SAMD4A: variants seen among roughly 807,000 people sequenced by gnomAD.
SAMD4A encodes the protein sterile alpha motif domain containing 4A.
Under a neutral mutation model 81.3 loss-of-function variants are expected in SAMD4A, and 33 were observed. The ratio of observed to expected loss-of-function variants is 0.41; its 90% confidence interval spans 0.31 to 0.54. The LOEUF is 0.54. SAMD4A is among the 20% of genes least tolerant of loss of function. SAMD4A has a pLI of 0.37. For missense variants in SAMD4A, 854 were observed against 951.1 expected (o/e 0.90, Z 1.34); for synonymous variants, 389 against 382.1 (o/e 1.02, Z -0.21).
Position 54,789,122 on chromosome 14 carries a change from A to C in SAMD4A, c.*178A>C. ...GTCATCCTCGTAAACATATCAGTAG[A>C]CCTGGGGTTGGTTATTTTGTCATTT... On this transcript the variant is annotated 3_prime_UTR_variant, in exon 13 of 13. Transcript: ENST00000554335. The C allele has an allele frequency of 1.6e-6, 1 of 627,962 alleles. No homozygotes were observed. The highest frequency in any genetic ancestry group is 2.8e-6 in the Non-Finnish European group (1 of 355,304). 38.9% of individuals were successfully genotyped at this position (627,962 alleles called of 1,614,324 possible).
At chr14:54,779,712 A>T (rs1284603029) in intron 11 of SAMD4A, among the ~76,000 whole-genome samples, 3 of 138,942 alleles carry the variant, frequency 2.2e-5, no homozygotes, top group African/African-American at 8.4e-5. Flanking sequence ...ACGGAGTCTC[A>T]CTCTGTCACC....
chr14:54,702,055 T>A lies in SAMD4A; in HGVS notation c.197-7T>A, dbSNP rs953219661. 1 of 1,612,956 alleles carries A rather than the reference T, an allele frequency of 6.2e-7. No homozygotes were observed. Among genetic ancestry groups the A allele is most frequent in the Non-Finnish European group, 8.5e-7 (1 of 1,179,256 alleles). On this transcript the variant is annotated splice_region_variant and splice_polypyrimidine_tract_variant and intron_variant, in intron 2 of 12. Coordinates refer to ENST00000554335, the MANE Select transcript of SAMD4A (RefSeq NM_015589.6). ...TGCTTATTTGCCGTGTATATTTCCC[T>A]TTTCAGGAATCATTAACCAATGGCA...
chr14:54,733,794 A>G (rs546385952), intron 3 of SAMD4A, among the ~76,000 whole-genome samples: 2 of 151,912 alleles, frequency 1.3e-5, no homozygotes, highest in Admixed American at 1.3e-4. Context: ...GCTTCTCAGA[A>G]GTCTGTATTT....
intron 2 of SAMD4A, chr14:54,652,752 G>T (rs547251417): frequency 6.6e-6 from 1 of 151,800 alleles, no homozygotes; most frequent in South Asian, 2.1e-4. Flanking sequence ...GTACTATATT[G>T]TTCCCTTTAA....
chr14:54,626,895 A>G (rs2034777007), intron 2 of SAMD4A, among the ~76,000 whole-genome samples: 1 of 152,228 alleles, frequency 6.6e-6, no homozygotes, highest in Non-Finnish European at 1.5e-5. Context: ...AAGAAACAGA[A>G]GTTCAGGGAA....
chr14:54,678,245 G>T (rs907566432), intron 2 of SAMD4A, among the ~76,000 whole-genome samples: 1 of 152,168 alleles, frequency 6.6e-6, no homozygotes, highest in East Asian at 1.9e-4. Flanking sequence ...TGTTTGTTCA[G>T]ATTCTTCTTG....
At chr14:54,653,982 T>C (rs2035463716) in intron 2 of SAMD4A, among the ~76,000 whole-genome samples, 1 of 152,218 alleles carries the variant, frequency 6.6e-6, no homozygotes, top group Admixed American at 6.5e-5. Flanking sequence ...TATGAAAGTA[T>C]TTTAGAGCAA....
At chr14:54,781,671 C>G (rs1328651724) in intron 11 of SAMD4A, among the ~76,000 whole-genome samples, 1 of 152,226 alleles carries the variant, frequency 6.6e-6, no homozygotes. Flanking sequence ...CCACGAGGGG[C>G]AGGGGCCTGG....
chr14:54,683,320 A>C (rs947991970), intron 2 of SAMD4A, among the ~76,000 whole-genome samples: 1 of 152,218 alleles, frequency 6.6e-6, no homozygotes, highest in African/African-American at 2.4e-5. Flanking sequence ...AGAAGACCCA[A>C]GTGGATGGCA....
chr14:54,605,617 C>G (rs183693319), intron 2 of SAMD4A, among the ~76,000 whole-genome samples: 1 of 152,148 alleles, frequency 6.6e-6, no homozygotes, highest in Admixed American at 6.5e-5. Flanking sequence ...GCCCATCCTG[C>G]TAAAGGTTTG....
chr14:54,757,334 T>C (rs2038265341), intron 6 of SAMD4A, among the ~76,000 whole-genome samples: 1 of 151,998 alleles, frequency 6.6e-6, no homozygotes, highest in Admixed American at 6.5e-5. Context: ...GGAAGTTATA[T>C]TTTATAGAAA....
chr14:54,665,800 A>T (rs1176198374), intron 2 of SAMD4A, among the ~76,000 whole-genome samples: 1 of 152,186 alleles, frequency 6.6e-6, no homozygotes, highest in Non-Finnish European at 1.5e-5. Flanking sequence ...AAATGTGCTG[A>T]CTTAAACCCA....
rs112415797 is a variant in SAMD4A, at chr14:54,593,656, C to T, written c.196+25544C>T. Among the ~76,000 whole-genome samples, 1,056 of 152,128 alleles carry T rather than the reference C, an allele frequency of 6.9e-3. 12 individuals carry two copies. The highest frequency in any genetic ancestry group is 0.024 in the African/African-American group (981 of 41,506). On this transcript the variant is annotated intron_variant, in intron 2 of 12. Transcript: ENST00000554335. Reference sequence around the variant, plus strand: ...GCTTAATTTTGATTGAAAAATGGCCCCCCTCTAAAGGCTGGAATAGTCACT... The same window carrying T: ...GCTTAATTTTGATTGAAAAATGGCCTCCCTCTAAAGGCTGGAATAGTCACT...
intron 2 of SAMD4A, among the ~76,000 whole-genome samples, chr14:54,648,769 G>C (rs948170988): frequency 6.6e-6 from 1 of 152,184 alleles, no homozygotes; most frequent in Non-Finnish European, 1.5e-5. Flanking sequence ...GTCTCTGGAA[G>C]AGTTGAGAAG....
intron 2 of SAMD4A, among the ~76,000 whole-genome samples, chr14:54,657,211 C>A (rs538715265): frequency 4.6e-5 from 7 of 152,236 alleles, no homozygotes; most frequent in Admixed American, 1.3e-4. Flanking sequence ...ATTCCAGGTA[C>A]CTTGGCCACT....
At chr14:54,649,741 T>G (rs1197823952) in intron 2 of SAMD4A, among the ~76,000 whole-genome samples, 2 of 152,220 alleles carry the variant, frequency 1.3e-5, no homozygotes, top group Admixed American at 1.3e-4. Context: ...GTGTCAGAAT[T>G]TAAGAGAATT....
chr14:54,780,665 C>G (rs2038977339), intron 11 of SAMD4A, among the ~76,000 whole-genome samples: 1 of 152,202 alleles, frequency 6.6e-6, no homozygotes, highest in Admixed American at 6.5e-5. Context: ...GGGCCCACAG[C>G]CTCCTGCCTC....
intron 2 of SAMD4A, among the ~76,000 whole-genome samples, chr14:54,646,129 C>T (rs2035281743): frequency 6.6e-6 from 1 of 152,166 alleles, no homozygotes; most frequent in Non-Finnish European, 1.5e-5. Flanking sequence ...TCGCTTTCTC[C>T]ACATGGCCCA....
intron 2 of SAMD4A, among the ~76,000 whole-genome samples, chr14:54,665,121 T>C (rs2035729514): frequency 6.6e-6 from 1 of 152,232 alleles, no homozygotes; most frequent in South Asian, 2.1e-4. Context: ...CTGTAGATAC[T>C]GGAACATGTT....
Sources: allele counts gnomAD v4.1 joint callset (sites outside exome capture counted in the v4.1 genomes callset), GRCh38; gene constraint gnomAD v4.1.1; transcripts MANE v1.5; gene names NCBI Gene and HGNC (gene_info 2026-07-23, HGNC 2026-07-21).